Variants in LRRC4C observed in about 807,000 individuals in gnomAD.
LRRC4C encodes leucine rich repeat containing 4C, also known as leucine-rich repeat-containing protein 4C.
A neutral mutation model predicts 33.6 loss-of-function variants in LRRC4C; 5 were observed. The observed-to-expected ratio is 0.15, with a 90% CI of 0.08 to 0.31. The LOEUF (loss-of-function observed/expected upper bound fraction) is 0.31. Ranked by LOEUF, LRRC4C falls within the 10% of genes least tolerant of loss-of-function variation. LRRC4C has a pLI of 1.00. For missense variants in LRRC4C, 560 were observed against 796.7 expected, an observed-to-expected ratio of 0.70 and a Z score of 3.58; for synonymous variants, 329 against 302.0, an observed-to-expected ratio of 1.09 and a Z score of -0.93.
rs764181859 is a variant in LRRC4C, at chr11:40,114,679, G to A, written c.1614C>T (p.Leu538=). The change falls in exon 7 of 7, where the codon CTC becomes CTT. Residue 538 remains leucine, a synonymous_variant. Transcript: ENST00000528697. ...AAATGACCAGCATCACTGCAGCCAT[G>A]AGTGTGATGGCCACAAAACACCCAA... ...IIIGCFVAIT[L]MAAVMLVIFY... is the part of the protein sequence containing the mutation. The A allele has an allele frequency of 1.2e-5, 20 of 1,614,152 alleles. No individual in the cohort carries two copies. In the South Asian group the frequency reaches 2.0e-4, roughly 16 times the overall value.
intron 2 of LRRC4C, among the ~76,000 whole-genome samples, chr11:40,841,103 A>G (rs1182007536): frequency 6.6e-6 from 1 of 152,246 alleles, no homozygotes; most frequent in Non-Finnish European, 1.5e-5. Flanking sequence ...TGCATCTGCC[A>G]TCTAATTATT....
At chr11:41,098,275 C>A (rs1385830404) in intron 1 of LRRC4C, among the ~76,000 whole-genome samples, 5 of 152,208 alleles carry the variant, frequency 3.3e-5, no homozygotes, top group Non-Finnish European at 2.9e-5. Context: ...ATCACTGCGG[C>A]CACACTGCTT....
At chr11:41,175,116 C>T (rs1450517567) in intron 1 of LRRC4C, among the ~76,000 whole-genome samples, 13 of 152,010 alleles carry the variant, frequency 8.6e-5, no homozygotes, top group Admixed American at 8.5e-4. Context: ...TGTAGTCCTG[C>T]TCTCAGCCAC....
chr11:41,425,030 G>A (rs796496934), intron 1 of LRRC4C, among the ~76,000 whole-genome samples: 18 of 152,174 alleles, frequency 1.2e-4, no homozygotes, highest in African/African-American at 4.3e-4. Context: ...TTTAAAGATT[G>A]AAGTCTAGAT....
intron 2 of LRRC4C, among the ~76,000 whole-genome samples, chr11:40,888,466 G>T (rs192814263): frequency 1.3e-5 from 2 of 151,840 alleles, no homozygotes; most frequent in African/African-American, 4.8e-5. Context: ...CCACACTTGC[G>T]TTTAATATAT....
chr11:40,500,944 AAGTT>A (rs573512185), intron 3 of LRRC4C, among the ~76,000 whole-genome samples: 116 of 152,288 alleles, frequency 7.6e-4, no homozygotes, highest in Non-Finnish European at 1.5e-3. Context: ...AATCAAAAGA[AAGTT>A]AGTTACTTCC....
At chr11:40,559,254 C>G (rs945943105) in intron 3 of LRRC4C, among the ~76,000 whole-genome samples, 1 of 149,556 alleles carries the variant, frequency 6.7e-6, no homozygotes, top group Admixed American at 6.7e-5. Flanking sequence ...TGCATCTCAG[C>G]TCACTGCAAC....
At chr11:41,103,565 T>C (rs566943794) in intron 1 of LRRC4C, among the ~76,000 whole-genome samples, 4 of 152,070 alleles carry the variant, frequency 2.6e-5, no homozygotes, top group South Asian at 4.1e-4. Context: ...TACGACAGAC[T>C]TTCCTCACTA....
intron 3 of LRRC4C, among the ~76,000 whole-genome samples, chr11:40,453,087 C>A (rs928390408): frequency 3.3e-5 from 5 of 151,996 alleles, no homozygotes; most frequent in Non-Finnish European, 5.9e-5. Flanking sequence ...TGTTAAATGA[C>A]GAGTTAATGG....
intron 3 of LRRC4C, among the ~76,000 whole-genome samples, chr11:40,403,200 A>G (rs1949827341): frequency 6.6e-6 from 1 of 152,088 alleles, no homozygotes; most frequent in African/African-American, 2.4e-5. Flanking sequence ...ATATGATTCT[A>G]TTATTGCTCC....
chr11:40,593,256 AC>A (rs1352377366), intron 3 of LRRC4C, among the ~76,000 whole-genome samples: 2 of 152,234 alleles, frequency 1.3e-5, no homozygotes, highest in African/African-American at 4.8e-5. Context: ...CTTAAGTGCT[AC>A]CTTGACTTAA....
intron 1 of LRRC4C, among the ~76,000 whole-genome samples, chr11:41,230,898 C>CA (rs1947757516): frequency 1.7e-5 from 1 of 59,058 alleles, no homozygotes; most frequent in Non-Finnish European, 3.8e-5. Context: ...AGAACTCAAA[C>CA]AAATTTACAA....
At chr11:40,276,760 T>C (rs16934668) in intron 4 of LRRC4C, among the ~76,000 whole-genome samples, 11,135 of 150,846 alleles carry the variant, frequency 0.074, 524 homozygotes, top group African/African-American at 0.12. Flanking sequence ...TGTCCATAGA[T>C]TCTGCAATCA....
At chr11:40,422,341 G>A (rs1381567969) in intron 3 of LRRC4C, among the ~76,000 whole-genome samples, 1 of 152,124 alleles carries the variant, frequency 6.6e-6, no homozygotes, top group Non-Finnish European at 1.5e-5. Context: ...ACTGGGAGAT[G>A]AATCTACCAC....
chr11:41,127,888 G>A (rs1485723982), intron 1 of LRRC4C, among the ~76,000 whole-genome samples: 2 of 152,000 alleles, frequency 1.3e-5, no homozygotes, highest in Non-Finnish European at 2.9e-5. Context: ...TTAACCTACT[G>A]GGATTTGGGG....
In LRRC4C at chr11:41,220,779, A is replaced by T. The variant is rs371287283; in HGVS notation, c.-496+238652T>A. Among the ~76,000 whole-genome samples the T allele has an allele frequency of 5.9e-5, 9 of 152,204 alleles. No homozygotes were observed. The East Asian group carries it at 1.3e-3, about 23-fold the overall frequency. ...GAGATGATTTAATGGGTAATTTTTC[A>T]TCAGAAGTCATATATTGGTTTATTT... On this transcript the variant is annotated intron_variant, in intron 1 of 6. Transcript: ENST00000528697.
chr11:40,675,855 A>G (rs911291061), intron 2 of LRRC4C, among the ~76,000 whole-genome samples: 8 of 152,152 alleles, frequency 5.3e-5, no homozygotes, highest in Non-Finnish European at 8.8e-5. Flanking sequence ...CTCAGTCTAA[A>G]TTTCTAAATT....
chr11:41,337,049 T>C (rs897430232), intron 1 of LRRC4C, among the ~76,000 whole-genome samples: 1 of 152,106 alleles, frequency 6.6e-6, no homozygotes, highest in Non-Finnish European at 1.5e-5. Context: ...TTAAATTCTT[T>C]TTCTTTTTTT....
intron 1 of LRRC4C, among the ~76,000 whole-genome samples, chr11:41,249,073 C>T (rs1031863230): frequency 2.7e-5 from 4 of 149,014 alleles, no homozygotes; most frequent in Non-Finnish European, 5.9e-5. Context: ...CTCACTCTGT[C>T]GCCCAGACTA....
Sources: allele counts gnomAD v4.1 joint callset (sites outside exome capture counted in the v4.1 genomes callset), GRCh38; gene constraint gnomAD v4.1.1; transcripts MANE v1.5; gene names NCBI Gene and HGNC (gene_info 2026-07-23, HGNC 2026-07-21).